DTD1: variants seen among roughly 807,000 people sequenced by gnomAD.
DTD1 encodes the protein D-aminoacyl-tRNA deacylase 1, also known as D-tyrosyl-tRNA deacylase 1 homolog.
DTD1 carries 13 observed loss-of-function variants against 25.6 expected under a neutral mutation model. The ratio of observed to expected loss-of-function variants is 0.51; its 90% CI spans 0.33 to 0.81. The LOEUF (loss-of-function observed/expected upper bound fraction) is 0.81. Among genes scored for constraint, DTD1 ranks in the 30% least tolerant of loss-of-function variants. The pLI is 0.02. For synonymous variants in DTD1, 110 were observed against 103.6 expected, an observed-to-expected ratio of 1.06 and a Z score of -0.37; for missense variants, 193 against 266.4, an observed-to-expected ratio of 0.72 and a Z score of 1.92.
At chr20:18,635,846 A>T (rs1402551445) in intron 4 of DTD1, among the ~76,000 whole-genome samples, 1 of 152,136 alleles carries the variant, frequency 6.6e-6, no homozygotes, top group African/African-American at 2.4e-5. Flanking sequence ...ATTGACTTTC[A>T]CCTTACCATC....
intron 4 of DTD1, among the ~76,000 whole-genome samples, chr20:18,655,977 GC>G (rs2060890233): frequency 6.6e-6 from 1 of 152,004 alleles, no homozygotes; most frequent in African/African-American, 2.4e-5. Flanking sequence ...CACCATGTTG[GC>G]CAGGCTGGTC....
At chr20:18,637,798 G>A (rs1168061851) in intron 4 of DTD1, among the ~76,000 whole-genome samples, 2 of 152,162 alleles carry the variant, frequency 1.3e-5, no homozygotes, top group African/African-American at 4.8e-5. Flanking sequence ...TCAGTTCATG[G>A]TAAAAGCTTT....
intron 4 of DTD1, among the ~76,000 whole-genome samples, chr20:18,709,075 G>C (rs1413365505): frequency 1.3e-5 from 2 of 152,168 alleles, no homozygotes; most frequent in Admixed American, 1.3e-4. Context: ...GACTAGTTCA[G>C]ACTGTCAGTC....
chr20:18,633,742 A>G (rs2060797139), intron 4 of DTD1, among the ~76,000 whole-genome samples: 1 of 152,212 alleles, frequency 6.6e-6, no homozygotes, highest in Admixed American at 6.5e-5. Context: ...TACTTCAAAT[A>G]AGGGTAGATT....
chr20:18,631,577 G>C (rs1258299262), intron 4 of DTD1: 2 of 985,300 alleles, frequency 2.0e-6, no homozygotes, highest in Middle Eastern at 5.2e-4. Context: ...GGTCTGTAAA[G>C]GTTCTCACCG....
chr20:18,697,972 C>T (rs2061085859), intron 4 of DTD1, among the ~76,000 whole-genome samples: 1 of 152,216 alleles, frequency 6.6e-6, no homozygotes, highest in African/African-American at 2.4e-5. Flanking sequence ...CATAACTTTA[C>T]TCTTGGACAT....
At chr20:18,708,254 A>ATATATATATAATATATATATTT (rs2061139060) in intron 4 of DTD1, among the ~76,000 whole-genome samples, 1 of 26,276 alleles carries the variant, frequency 3.8e-5, no homozygotes, top group African/African-American at 1.3e-4. Context: ...AATATATATT[A>ATATATATATAATATATATATTT]TATATATATT....
At chr20:18,719,217 A>G (rs1478411410) in intron 4 of DTD1, among the ~76,000 whole-genome samples, 1 of 150,788 alleles carries the variant, frequency 6.6e-6, no homozygotes, top group Non-Finnish European at 1.5e-5. Flanking sequence ...TTTTTTGTGT[A>G]TATTTCTGTG....
intron 3 of DTD1, among the ~76,000 whole-genome samples, chr20:18,601,747 G>A (rs1185161537): frequency 1.3e-5 from 2 of 151,968 alleles, no homozygotes; most frequent in African/African-American, 2.4e-5. Flanking sequence ...CAAACAGAAA[G>A]GACATCCACA....
intron 3 of DTD1, among the ~76,000 whole-genome samples, chr20:18,597,466 T>C (rs6136425): frequency 0.51 from 77,534 of 151,966 alleles, 20,158 homozygotes; most frequent in Middle Eastern, 0.56. Context: ...TCTAATTTTA[T>C]AACACTTTTG....
chr20:18,690,554 T>C (rs547636472), intron 4 of DTD1, among the ~76,000 whole-genome samples: 32 of 152,376 alleles, frequency 2.1e-4, no homozygotes, highest in Non-Finnish European at 3.4e-4. Context: ...TTCATTCTTC[T>C]ACATATAGCG....
At chr20:18,634,831 C>T (rs1451161823) in intron 4 of DTD1, among the ~76,000 whole-genome samples, 1 of 152,142 alleles carries the variant, frequency 6.6e-6, no homozygotes, top group Non-Finnish European at 1.5e-5. Flanking sequence ...AAATGAAGGA[C>T]ACATGAGCAC....
chr20:18,729,829 C>T (rs1247478608), intron 4 of DTD1, among the ~76,000 whole-genome samples: 3 of 152,166 alleles, frequency 2.0e-5, no homozygotes, highest in African/African-American at 7.2e-5. Context: ...TGCCCCTGGC[C>T]GGGAATGACC....
intron 4 of DTD1, among the ~76,000 whole-genome samples, chr20:18,741,038 G>T (rs1293638964): frequency 6.6e-6 from 1 of 152,158 alleles, no homozygotes; most frequent in Non-Finnish European, 1.5e-5. Flanking sequence ...TGTCATCTTT[G>T]CTCCAGATCA....
intron 4 of DTD1, among the ~76,000 whole-genome samples, chr20:18,740,352 A>G (rs2061272690): frequency 6.6e-6 from 1 of 151,836 alleles, no homozygotes; most frequent in Non-Finnish European, 1.5e-5. Flanking sequence ...ATCTCTGAAG[A>G]TGAGAAACAA....
At chr20:18,742,554 G>GA (rs572119013) in intron 4 of DTD1, among the ~76,000 whole-genome samples, 3 of 152,240 alleles carry the variant, frequency 2.0e-5, no homozygotes, top group Non-Finnish European at 4.4e-5. Context: ...GCATGCGGGG[G>GA]ATCTAGGTTG....
At chr20:18,753,999 C>T (rs1048719723) in intron 5 of DTD1, among the ~76,000 whole-genome samples, 3 of 151,028 alleles carry the variant, frequency 2.0e-5, no homozygotes, top group African/African-American at 7.4e-5. Context: ...AACAGCCTTA[C>T]CTTTCTAGGT....
chr20:18,755,172 T>A (rs1236907439), intron 5 of DTD1, among the ~76,000 whole-genome samples: 1 of 152,140 alleles, frequency 6.6e-6, no homozygotes, highest in Non-Finnish European at 1.5e-5. Flanking sequence ...CCATTTTTTT[T>A]ATTACAAAGT....
chr20:18,707,530 C>T (rs922824610), intron 4 of DTD1, among the ~76,000 whole-genome samples: 1 of 152,160 alleles, frequency 6.6e-6, no homozygotes, highest in Non-Finnish European at 1.5e-5. Flanking sequence ...CTGTGCAGTA[C>T]AGCAGCACCA....
Sources: allele counts gnomAD v4.1 joint callset (sites outside exome capture counted in the v4.1 genomes callset), GRCh38; gene constraint gnomAD v4.1.1; transcripts MANE v1.5; gene names NCBI Gene and HGNC (gene_info 2026-07-23, HGNC 2026-07-21).